The following PDLIM5 variants were observed in gnomAD, a reference collection of about 807,000 sequenced individuals.
The protein encoded by PDLIM5 is PDZ and LIM domain 5.
PDLIM5 carries 34 observed loss-of-function variants against 64.2 expected under a neutral mutation model. The ratio of observed to expected loss-of-function variants is 0.53; its 90% CI spans 0.40 to 0.71. The LOEUF (loss-of-function observed/expected upper bound fraction) is 0.71. PDLIM5 is among the 30% of genes least tolerant of loss of function. The pLI is 0.00. For synonymous variants in PDLIM5, 253 were observed against 269.1 expected, an observed-to-expected ratio of 0.94 and a Z score of 0.59; for missense variants, 683 against 733.6, an observed-to-expected ratio of 0.93 and a Z score of 0.80.
At chr4:94,583,134 T>G (rs1274546097) in intron 5 of PDLIM5, 2 of 153,640 alleles carry the variant, frequency 1.3e-5, no homozygotes, top group East Asian at 3.8e-4. Context: ...AAAATAAAAT[T>G]ATTGAAATTT....
intron 7 of PDLIM5, chr4:94,587,157 A>G: frequency 6.6e-7 from 1 of 1,510,626 alleles, no homozygotes; most frequent in Non-Finnish European, 8.8e-7. Context: ...TCATAGCAAA[A>G]TCTGTATTAA....
At chr4:94,532,496 A>G (rs1730971489) in intron 3 of PDLIM5, among the ~76,000 whole-genome samples, 1 of 152,170 alleles carries the variant, frequency 6.6e-6, no homozygotes. Flanking sequence ...AATCCATCAC[A>G]GGTTCATATT....
At chr4:94,606,820 A>G (rs750534801) in intron 7 of PDLIM5, among the ~76,000 whole-genome samples, 5 of 152,356 alleles carry the variant, frequency 3.3e-5, no homozygotes, top group African/African-American at 2.4e-5. Flanking sequence ...GTAGCCATAG[A>G]CATATGAAGA....
At chr4:94,509,977 C>G (rs1439567526) in intron 2 of PDLIM5, among the ~76,000 whole-genome samples, 2 of 152,136 alleles carry the variant, frequency 1.3e-5, no homozygotes, top group Non-Finnish European at 2.9e-5. Context: ...CAAGTTGCCA[C>G]GCAGTATCAA....
intron 11 of PDLIM5, among the ~76,000 whole-genome samples, chr4:94,658,929 T>A (rs1401218389): frequency 6.6e-6 from 1 of 152,234 alleles, no homozygotes; most frequent in Admixed American, 6.5e-5. Flanking sequence ...TTAGTTTGAT[T>A]TGTTTGTTTT....
chr4:94,457,392 A>G (rs1188511935), intron 2 of PDLIM5, among the ~76,000 whole-genome samples: 1 of 152,156 alleles, frequency 6.6e-6, no homozygotes, highest in Non-Finnish European at 1.5e-5. Flanking sequence ...CATGTGATTT[A>G]TTCCTGTTTG....
intron 8 of PDLIM5, among the ~76,000 whole-genome samples, chr4:94,620,902 T>A (rs185200726): frequency 3.3e-5 from 5 of 151,652 alleles, no homozygotes; most frequent in Non-Finnish European, 7.4e-5. Context: ...ACCCTGTCTC[T>A]ACTAAAAATA....
chr4:94,576,626 C>T (rs953979543), intron 5 of PDLIM5, among the ~76,000 whole-genome samples: 11 of 152,218 alleles, frequency 7.2e-5, no homozygotes, highest in Admixed American at 3.9e-4. Context: ...CAACAAGGCA[C>T]GCTTAGAAAG....
chr4:94,644,843 A>G lies in PDLIM5; in HGVS notation c.1283+4393A>G, dbSNP rs112657713. On this transcript the variant is annotated intron_variant, in intron 9 of 12. Transcript: ENST00000317968. ...AGGCGTAAGCCACCACACCCAGCCC[A>G]TGCCAAGAACTTTATTAGTATTATT... 8.9e-3 allele frequency among the ~76,000 whole-genome samples: 1,352 copies of G among 152,282 alleles called. 24 individuals are homozygous for G. Among genetic ancestry groups the G allele is most frequent in the African/African-American group, 0.031 (1,274 of 41,552 alleles).
intron 1 of PDLIM5, among the ~76,000 whole-genome samples, chr4:94,454,321 C>T (rs1034914999): frequency 2.7e-5 from 4 of 149,814 alleles, no homozygotes; most frequent in African/African-American, 4.9e-5. Context: ...ATAGGAAACT[C>T]GAAGTTTTTT....
intron 2 of PDLIM5, among the ~76,000 whole-genome samples, chr4:94,470,824 G>A (rs1724802154): frequency 6.6e-6 from 1 of 152,168 alleles, no homozygotes; most frequent in African/African-American, 2.4e-5. Flanking sequence ...GTATTGGTCT[G>A]TTCTCACACT....
At position 94,646,966 on chromosome 4, in the gene PDLIM5, C is replaced by T. The variant is rs991193196; in HGVS notation, c.1283+6516C>T. The stretch of plus-strand genomic sequence containing the variant: ...CTGTTTCTCTAATATGTTTACTTTC[C>T]CACTTTCCCCAAAAAACCCATTTCA... On this transcript the variant is annotated intron_variant, in intron 9 of 12. Coordinates refer to ENST00000317968, the MANE Select transcript of PDLIM5 (RefSeq NM_006457.5). Among the ~76,000 whole-genome samples the T allele has an allele frequency of 7.2e-5, 11 of 152,178 alleles. No individual in the cohort carries two copies. In the South Asian group the frequency reaches 8.3e-4, roughly 11 times the overall value.
chr4:94,584,352 C>T (rs1735985152), intron 5 of PDLIM5: 1 of 152,206 alleles, frequency 6.6e-6, no homozygotes, highest in African/African-American at 2.4e-5. Context: ...TTAAAATATA[C>T]ATTGCAAATT....
chr4:94,633,023 A>G (rs1740281388), intron 8 of PDLIM5, among the ~76,000 whole-genome samples: 1 of 152,232 alleles, frequency 6.6e-6, no homozygotes, highest in Non-Finnish European at 1.5e-5. Flanking sequence ...TAATCAGAAA[A>G]AAATTGAAAA....
rs540470600 is a variant in PDLIM5 at position 94,472,245 on chromosome 4, A to C, written c.96+16861A>C. Among the ~76,000 whole-genome samples, 2 of 152,124 alleles carry C rather than the reference A, an allele frequency of 1.3e-5. 1 individual carries two copies. The highest frequency in any genetic ancestry group is 2.9e-5 in the Non-Finnish European group (2 of 68,022). On this transcript the variant is annotated intron_variant, in intron 2 of 12. Coordinates refer to ENST00000317968, the MANE Select transcript of PDLIM5 (RefSeq NM_006457.5). ...CTCTTCTTTATAGTCAGTACATAGTAAATATTTGTTGAATGAGTGGTCCAT... is the reference window on the plus strand; with the variant it reads ...CTCTTCTTTATAGTCAGTACATAGTCAATATTTGTTGAATGAGTGGTCCAT...
Position 94,654,531 on chromosome 4 carries a change from C to T in PDLIM5, c.1355C>T (p.Thr452Ile). The T allele has an allele frequency of 6.2e-7, 1 of 1,611,412 alleles. No homozygotes were observed. The highest frequency in any genetic ancestry group is 8.5e-7 in the Non-Finnish European group (1 of 1,177,502). The change falls in exon 10 of 13, where the codon ACA becomes ATA. Residue 452 changes from threonine to isoleucine, a missense_variant. Physicochemically the swap from Thr to Ile is moderately conservative, Grantham distance 89. Transcript: ENST00000317968. ...TTCAACTGCGCTCACTGCAAAAATA[C>T]AATGGCCTACATTGGATTTGTAGAG... ...EEFNCAHCKN[T>I]MAYIGFVEEK... is the part of the protein sequence containing the mutation.
intron 7 of PDLIM5, among the ~76,000 whole-genome samples, chr4:94,586,695 G>C (rs1383829417): frequency 2.0e-5 from 3 of 152,036 alleles, no homozygotes; most frequent in African/African-American, 7.3e-5. Context: ...GGTATATTTC[G>C]GGGTGCTTTG....
chr4:94,590,053 A>G (rs966052110), intron 7 of PDLIM5, among the ~76,000 whole-genome samples: 5 of 152,156 alleles, frequency 3.3e-5, no homozygotes, highest in Admixed American at 6.5e-5. Flanking sequence ...TGCTGGGATT[A>G]CAGATGTGAG....
chr4:94,530,534 T>G (rs867561230), intron 3 of PDLIM5, among the ~76,000 whole-genome samples: 2 of 120,246 alleles, frequency 1.7e-5, no homozygotes, highest in African/African-American at 6.0e-5. Flanking sequence ...TATATATATA[T>G]ATATATATAT....
Sources: allele counts gnomAD v4.1 joint callset (sites outside exome capture counted in the v4.1 genomes callset), GRCh38; gene constraint gnomAD v4.1.1; transcripts MANE v1.5; gene names NCBI Gene and HGNC (gene_info 2026-07-23, HGNC 2026-07-21).